Variants in GRM7 observed in about 807,000 individuals in gnomAD.
GRM7 encodes the protein glutamate metabotropic receptor 7, also known as metabotropic glutamate receptor 7.
In GRM7, 35 loss-of-function variants were observed where a neutral mutation model predicts 84.5. The observed-to-expected ratio is 0.41, with a 90% CI of 0.32 to 0.55. The LOEUF (loss-of-function observed/expected upper bound fraction) is 0.55. Among genes scored for constraint, GRM7 ranks in the 20% least tolerant of loss-of-function variants. GRM7 has a pLI of 0.19. For synonymous variants in GRM7, 487 were observed against 455.1 expected (o/e 1.07, Z -0.89); for missense variants, 1,003 against 1,194.6 (o/e 0.84, Z 2.36).
chr3:7,078,902 T>C (rs1413009358), intron 1 of GRM7, among the ~76,000 whole-genome samples: 1 of 151,622 alleles, frequency 6.6e-6, no homozygotes, highest in Non-Finnish European at 1.5e-5. Context: ...AAATAGATGA[T>C]ATTAGAATGA....
At chr3:7,623,943 C>A (rs1039643679) in intron 8 of GRM7, among the ~76,000 whole-genome samples, 1 of 152,066 alleles carries the variant, frequency 6.6e-6, no homozygotes, top group Non-Finnish European at 1.5e-5. Context: ...CAGTCAAGAA[C>A]CTGGCTAGCA....
At chr3:7,087,228 T>A (rs1218058780) in intron 1 of GRM7, among the ~76,000 whole-genome samples, 2 of 152,204 alleles carry the variant, frequency 1.3e-5, no homozygotes, top group Non-Finnish European at 2.9e-5. Flanking sequence ...GGAATGTTCC[T>A]GGAATATTAA....
rs1453787855 is a variant in GRM7 at position 6,886,499 on chromosome 3, G to A, written c.519+24592G>A. 1.3e-5 allele frequency among the ~76,000 whole-genome samples: 2 copies of A among 151,918 alleles called. 1 individual carries two copies. The highest frequency in any genetic ancestry group is 1.3e-4 in the Admixed American group (2 of 15,212). ...CCTTAGAACTTAAAGTATAATAATA[G>A]TAAAAGAAAACAGTATAGTTTCTCA... is the stretch of plus-strand genomic sequence containing the variant. On this transcript the variant is annotated intron_variant, in intron 1 of 9. Coordinates refer to ENST00000357716, the MANE Select transcript of GRM7 (RefSeq NM_000844.4).
chr3:6,949,455 G>A (rs1289118468), intron 1 of GRM7, among the ~76,000 whole-genome samples: 1 of 152,096 alleles, frequency 6.6e-6, no homozygotes, highest in Non-Finnish European at 1.5e-5. Context: ...CTCTTTGTGG[G>A]TAACCCGACC....
intron 8 of GRM7, among the ~76,000 whole-genome samples, chr3:7,618,091 A>T (rs1191025316): frequency 6.6e-6 from 1 of 152,166 alleles, no homozygotes. Context: ...GGCTTAGCTC[A>T]GAGGCAGGCA....
chr3:6,946,442 A>G (rs1016772820), intron 1 of GRM7, among the ~76,000 whole-genome samples: 1 of 152,178 alleles, frequency 6.6e-6, no homozygotes, highest in Non-Finnish European at 1.5e-5. Context: ...TACCAGTACC[A>G]TGCTGTTTTG....
chr3:7,431,994 C>G (rs748781696), intron 5 of GRM7, among the ~76,000 whole-genome samples: 16 of 152,130 alleles, frequency 1.1e-4, no homozygotes, highest in Non-Finnish European at 1.8e-4. Context: ...ACTGACTTGA[C>G]TTTGAGCAGT....
In GRM7 at chr3:7,342,599, C is replaced by T. The variant is rs182821665; in HGVS notation, c.1033+35947C>T. On this transcript the variant is annotated intron_variant, in intron 4 of 9. Coordinates refer to ENST00000357716, the MANE Select transcript of GRM7 (RefSeq NM_000844.4). ...TGTACTAATCATTTCCAAACTTTAG[C>T]CTACTTTAAAATTACCTACAGAATG... is the stretch of plus-strand genomic sequence containing the variant. Among the ~76,000 whole-genome samples the T allele has an allele frequency of 1.1e-4, 17 of 152,250 alleles. No homozygotes were observed. In the East Asian group the frequency reaches 1.4e-3, roughly 12 times the overall value.
In GRM7 at chr3:7,061,448, A is replaced by G. The variant is rs1158602400; in HGVS notation, c.520-85004A>G. On this transcript the variant is annotated intron_variant, in intron 1 of 9. Transcript: ENST00000357716. ...AAGAGACACAGGGGAGTTAAGAAAC[A>G]TACCTAAGCTTCCATGGTAGTAAGC... 4.0e-5 allele frequency among the ~76,000 whole-genome samples: 6 copies of G among 151,788 alleles called. No homozygotes were observed. In the Admixed American group the frequency reaches 4.0e-4, roughly 10 times the overall value.
At chr3:7,665,483 G>A (rs1020178076) in intron 8 of GRM7, among the ~76,000 whole-genome samples, 51 of 152,180 alleles carry the variant, frequency 3.4e-4, no homozygotes, top group South Asian at 8.3e-4. Flanking sequence ...CCTTGCCCAT[G>A]ATTCTTAATA....
chr3:7,650,022 T>G (rs1698851476), intron 8 of GRM7, among the ~76,000 whole-genome samples: 1 of 152,182 alleles, frequency 6.6e-6, no homozygotes, highest in Admixed American at 6.5e-5. Context: ...GACTTATTTG[T>G]TTTTATGTTC....
At chr3:6,963,456 C>G (rs555750088) in intron 1 of GRM7, among the ~76,000 whole-genome samples, 1 of 152,254 alleles carries the variant, frequency 6.6e-6, no homozygotes, top group Non-Finnish European at 1.5e-5. Context: ...CCAACACTAA[C>G]TGAAGAAGAG....
In GRM7 at chr3:7,537,825, G is replaced by A. The variant is rs541220292; in HGVS notation, c.1516-40597G>A. 9.2e-5 allele frequency among the ~76,000 whole-genome samples: 14 copies of A among 152,236 alleles called. No individual in the cohort carries two copies. The South Asian group carries it at 2.5e-3, about 27-fold the overall frequency. ...ATATCTTCAGATGAGAAAGTCTATC[G>A]CTTTTGACTAATAGGCCCACTAAAT... On this transcript the variant is annotated intron_variant, in intron 7 of 9. Coordinates refer to ENST00000357716, the MANE Select transcript of GRM7 (RefSeq NM_000844.4).
intron 1 of GRM7, among the ~76,000 whole-genome samples, chr3:7,032,437 A>G (rs946703440): frequency 2.6e-5 from 4 of 152,226 alleles, no homozygotes; most frequent in African/African-American, 7.2e-5. Flanking sequence ...AGGAGTGTAG[A>G]ACCTAATACG....
rs537878376 is a variant in GRM7 at position 6,895,213 on chromosome 3, C to G, written c.519+33306C>G. Among the ~76,000 whole-genome samples, 12 of 152,180 alleles carry G rather than the reference C, an allele frequency of 7.9e-5. No homozygotes were observed. The East Asian group carries it at 2.1e-3, about 27-fold the overall frequency. On this transcript the variant is annotated intron_variant, in intron 1 of 9. Transcript: ENST00000357716. ...AAGAAAGACTCCAAAGATTTCTATA[C>G]CTTATATACTTGATACACCAAAAGT...
intron 2 of GRM7, among the ~76,000 whole-genome samples, chr3:7,251,267 C>G (rs1697975498): frequency 6.7e-6 from 1 of 149,776 alleles, no homozygotes; most frequent in Non-Finnish European, 1.5e-5. Flanking sequence ...TTAATGCTTT[C>G]AATGCAGGTA....
chr3:7,178,834 A>C (rs1559487206), intron 2 of GRM7, among the ~76,000 whole-genome samples: 1 of 152,136 alleles, frequency 6.6e-6, no homozygotes, highest in Non-Finnish European at 1.5e-5. Context: ...TAATCCCAGC[A>C]CTTTGGGAGG....
chr3:7,332,349 T>C (rs1051300914), intron 4 of GRM7, among the ~76,000 whole-genome samples: 2 of 152,150 alleles, frequency 1.3e-5, no homozygotes, highest in African/African-American at 4.8e-5. Flanking sequence ...ATAGTGAGGG[T>C]TGGACTTTGG....
chr3:7,033,052 C>A (rs1422898766), intron 1 of GRM7, among the ~76,000 whole-genome samples: 1 of 152,142 alleles, frequency 6.6e-6, no homozygotes, highest in Non-Finnish European at 1.5e-5. Flanking sequence ...TGGAGGCTCT[C>A]AGGGAGAATC....
Sources: gnomAD v4.1 joint callset for allele counts (sites outside exome capture counted in the v4.1 genomes callset) on GRCh38, gnomAD v4.1.1 for gene constraint, MANE v1.5 for transcripts, NCBI Gene and HGNC (gene_info 2026-07-23, HGNC 2026-07-21) for gene names.